LOC128462377: variants seen among roughly 807,000 people sequenced by gnomAD.
At chr16:89,386,268 T>C in the LOC128462377 span, among the ~76,000 whole-genome samples, 1 of 152,132 alleles carries the variant, frequency 6.6e-6, no homozygotes, top group Non-Finnish European at 1.5e-5. Context: ...ATGTTAAAAA[T>C]CAGTCACTTT....
the LOC128462377 span, among the ~76,000 whole-genome samples, chr16:89,325,643 G>A: frequency 6.6e-5 from 10 of 152,346 alleles, no homozygotes; most frequent in East Asian, 1.2e-3. Context: ...TGGAAGGGAC[G>A]GTGAAACGGG....
the LOC128462377 span, among the ~76,000 whole-genome samples, chr16:89,401,048 G>A: frequency 9.2e-5 from 14 of 152,128 alleles, no homozygotes; most frequent in Admixed American, 9.2e-4. Context: ...CAACACGCTG[G>A]CCCTCAAGTT....
the LOC128462377 span, among the ~76,000 whole-genome samples, chr16:89,354,256 AAAAAG>A: frequency 6.6e-6 from 1 of 151,966 alleles, no homozygotes; most frequent in South Asian, 2.1e-4. Context: ...AAAAAAAAAA[AAAAAG>A]AAAACTTCAT....
the LOC128462377 span, among the ~76,000 whole-genome samples, chr16:89,330,671 G>C: frequency 1.2e-4 from 6 of 50,934 alleles, no homozygotes; most frequent in African/African-American, 4.3e-4. Context: ...GGGGGGGGGG[G>C]GGGGCGGGGG....
chr16:89,335,258 C>T, the LOC128462377 span, among the ~76,000 whole-genome samples: 2 of 152,190 alleles, frequency 1.3e-5, no homozygotes, highest in Non-Finnish European at 2.9e-5. Flanking sequence ...TCACACCACC[C>T]CTGTTCCCAG....
chr16:89,386,991 T>C, the LOC128462377 span, among the ~76,000 whole-genome samples: 3 of 151,260 alleles, frequency 2.0e-5, no homozygotes, highest in Non-Finnish European at 2.9e-5. Context: ...CTGGGAGCCC[T>C]GTATCGACTG....
chr16:89,351,218 G>A, the LOC128462377 span, among the ~76,000 whole-genome samples: 1 of 152,206 alleles, frequency 6.6e-6, no homozygotes, highest in Admixed American at 6.5e-5. Flanking sequence ...TGGTGGGCAT[G>A]GGCGAGGGGT....
At chr16:89,380,250 T>G in the LOC128462377 span, among the ~76,000 whole-genome samples, 1 of 152,166 alleles carries the variant, frequency 6.6e-6, no homozygotes, top group Non-Finnish European at 1.5e-5. Context: ...GTAGTTGGTA[T>G]TACAGGCATG....
the LOC128462377 span, among the ~76,000 whole-genome samples, chr16:89,350,547 G>C: frequency 6.6e-6 from 1 of 152,112 alleles, no homozygotes; most frequent in African/African-American, 2.4e-5. Context: ...CCAGACACAA[G>C]AGTCCACACT....
the LOC128462377 span, among the ~76,000 whole-genome samples, chr16:89,411,259 C>G: frequency 1.3e-5 from 2 of 152,238 alleles, no homozygotes; most frequent in African/African-American, 2.4e-5. Flanking sequence ...CCTTTTTGCT[C>G]TACTTCTCTT....
chr16:89,412,777 G>A, the LOC128462377 span, among the ~76,000 whole-genome samples: 1 of 152,056 alleles, frequency 6.6e-6, no homozygotes, highest in Non-Finnish European at 1.5e-5. Context: ...GGCCCCATGA[G>A]AATCACTGTA....
At chr16:89,406,296 G>A in the LOC128462377 span, among the ~76,000 whole-genome samples, 11 of 152,084 alleles carry the variant, frequency 7.2e-5, no homozygotes, top group East Asian at 2.1e-3. Context: ...CAGGCCAACG[G>A]CACTGACAGA....
the LOC128462377 span, among the ~76,000 whole-genome samples, chr16:89,330,015 T>TAAAAA: frequency 2.0e-5 from 3 of 151,472 alleles, no homozygotes; most frequent in Non-Finnish European, 2.9e-5. Context: ...TAAAATAAAA[T>TAAAAA]AAAATAAAAT....
the LOC128462377 span, among the ~76,000 whole-genome samples, chr16:89,332,035 C>T: frequency 2.6e-5 from 4 of 152,096 alleles, no homozygotes; most frequent in African/African-American, 9.6e-5. Flanking sequence ...GCCTCTAATC[C>T]CAGAACTTTG....
chr16:89,317,600 TC>T, the LOC128462377 span, among the ~76,000 whole-genome samples: 23 of 152,144 alleles, frequency 1.5e-4, no homozygotes, highest in Admixed American at 1.1e-3. Context: ...CACACCCAGT[TC>T]CCTAACTTGG....
At chr16:89,390,303 A>G in the LOC128462377 span, among the ~76,000 whole-genome samples, 1 of 148,628 alleles carries the variant, frequency 6.7e-6, no homozygotes, top group Non-Finnish European at 1.5e-5. Context: ...TGGGGCGAAC[A>G]CCGAGTGTGG....
chr16:89,334,000 A>C, the LOC128462377 span, among the ~76,000 whole-genome samples: 1 of 152,050 alleles, frequency 6.6e-6, no homozygotes, highest in African/African-American at 2.4e-5. Context: ...GATATATCTA[A>C]GTTTCTCAAT....
chr16:89,401,368 G>A, the LOC128462377 span, among the ~76,000 whole-genome samples: 2 of 152,078 alleles, frequency 1.3e-5, no homozygotes, highest in East Asian at 1.9e-4. Flanking sequence ...GAGCCACTGC[G>A]TCTGGCATTA....
At chr16:89,397,875 T>C in the LOC128462377 span, among the ~76,000 whole-genome samples, 1 of 152,328 alleles carries the variant, frequency 6.6e-6, no homozygotes, top group Admixed American at 6.5e-5. Flanking sequence ...ACCTTCGTCC[T>C]GGGCATGGGA....
Sources: gnomAD v4.1 joint callset for allele counts (sites outside exome capture counted in the v4.1 genomes callset) on GRCh38, gnomAD v4.1.1 for gene constraint, MANE v1.5 for transcripts.